The following EFHC2 variants were observed in gnomAD, a reference collection of about 807,000 sequenced individuals.
The protein encoded by EFHC2 is EF-hand domain containing 2.
Under a neutral mutation model 52.7 loss-of-function variants are expected in EFHC2, and 18 were observed. The observed-to-expected ratio is 0.34, with a 90% CI of 0.24 to 0.51. The LOEUF is 0.51. EFHC2 is among the 20% of genes least tolerant of loss of function. EFHC2 has a pLI of 0.97. For missense variants in EFHC2, 513 were observed against 562.5 expected (o/e 0.91, Z 0.89); for synonymous variants, 203 against 204.1 (o/e 0.99, Z 0.04).
At chrX:44,313,109 AAAAG>A (rs1556024250) in intron 1 of EFHC2, among the ~76,000 whole-genome samples, 28 of 105,046 alleles carry the variant, frequency 2.7e-4, no homozygotes, top group African/African-American at 6.7e-4. Context: ...AAAAAAAAAA[AAAAG>A]AAAGAAAGAA....
At chrX:44,162,772 C>A (rs752243597) in intron 14 of EFHC2, among the ~76,000 whole-genome samples, 1 of 110,461 alleles carries the variant, frequency 9.1e-6, no homozygotes, top group Non-Finnish European at 1.9e-5. Context: ...CTGTTCCCCC[C>A]CAGTCTGTTT....
intron 2 of EFHC2, among the ~76,000 whole-genome samples, chrX:44,276,010 C>T (rs1321355271): frequency 9.0e-6 from 1 of 110,862 alleles, no homozygotes; most frequent in Non-Finnish European, 1.9e-5. Flanking sequence ...TTGGTGGGGG[C>T]ATGTGATCTT....
intron 1 of EFHC2, among the ~76,000 whole-genome samples, chrX:44,322,868 C>A (rs777219446): frequency 5.4e-4 from 60 of 110,924 alleles, no homozygotes; most frequent in African/African-American, 1.8e-3. Flanking sequence ...CAAAAATTAG[C>A]CAGGTGTGGT....
rs774778714 is a variant in EFHC2, at chrX:44,310,188, G to A, written c.231+2380C>T. ...CTCGGTGGTCCAGAAGGAAGCCTCC[G>A]CCTTCTCATACATCTGCCAGATATC... On this transcript the variant is annotated intron_variant, in intron 2 of 14. Transcript: ENST00000420999. 5.5e-5 allele frequency: 39 copies of A among 715,074 alleles called. No homozygotes were observed. In the South Asian group the frequency reaches 7.0e-4, roughly 13 times the overall value. The allele number at this position is 715,074 out of a possible 1,213,427, so 58.9% of individuals were successfully genotyped here.
At chrX:44,284,091 G>C (rs1947521873) in intron 2 of EFHC2, 1 of 111,815 alleles carries the variant, frequency 8.9e-6, no homozygotes, top group Admixed American at 9.4e-5. Context: ...AAGGCCTAAA[G>C]GCTACTTTGT....
chrX:44,168,149 T>C (rs1424187797), intron 13 of EFHC2, among the ~76,000 whole-genome samples: 1 of 111,298 alleles, frequency 9.0e-6, no homozygotes, highest in African/African-American at 3.3e-5. Flanking sequence ...GCCCACAAAA[T>C]TCCTGGGAGA....
chrX:44,296,242 A>G (rs998210339), intron 2 of EFHC2, among the ~76,000 whole-genome samples: 1 of 111,741 alleles, frequency 8.9e-6, no homozygotes, highest in Non-Finnish European at 1.9e-5. Flanking sequence ...GGGAACACAC[A>G]ATAATATTAT....
chrX:44,272,898 C>G (rs2037627447), intron 2 of EFHC2, 62 bp from the exon 3 acceptor site: 2 of 967,737 alleles, frequency 2.1e-6, no homozygotes, highest in Non-Finnish European at 2.8e-6. Flanking sequence ...TTAAAATTAA[C>G]AAAGCAGCTG....
intron 14 of EFHC2, among the ~76,000 whole-genome samples, chrX:44,160,885 G>A (rs777400050): frequency 9.1e-6 from 1 of 110,303 alleles, no homozygotes; most frequent in Admixed American, 9.7e-5. Flanking sequence ...TCACACCACT[G>A]CACACCAGCT....
chrX:44,271,122 T>C (rs964752340), intron 3 of EFHC2, among the ~76,000 whole-genome samples: 5 of 111,846 alleles, frequency 4.5e-5, no homozygotes, highest in African/African-American at 1.3e-4. Context: ...ATGTGATCCA[T>C]GAGCCTTCTG....
At chrX:44,212,847 G>T (rs1321073306) in intron 11 of EFHC2, among the ~76,000 whole-genome samples, 1 of 110,261 alleles carries the variant, frequency 9.1e-6, no homozygotes, top group Non-Finnish European at 1.9e-5. Context: ...GAGTAGCTGG[G>T]ATTACAGGCA....
Position 44,250,392 on chromosome X carries a change from T to C in EFHC2, c.660A>G (p.Lys220=). ...LRPYESLDTL[K]QFLQYHGKIL... is the part of the protein sequence containing the mutation. ...TCTTGCCATGATACTGGAGGAACTG[T>C]TTCAGGGTGTCGAGGGATTCGTAGG... The change falls in exon 5 of 15, where the codon AAA becomes AAG. Residue 220 remains lysine (K), a synonymous_variant. Coordinates refer to ENST00000420999, the MANE Select transcript of EFHC2 (RefSeq NM_025184.4). 1.7e-6 allele frequency: 2 copies of C among 1,210,480 alleles called. No homozygotes were observed. The highest frequency in any genetic ancestry group is 3.0e-5 in the East Asian group (1 of 33,818).
chrX:44,240,229 A>G (rs892178808), intron 8 of EFHC2, among the ~76,000 whole-genome samples: 2 of 112,279 alleles, frequency 1.8e-5, no homozygotes, highest in African/African-American at 6.5e-5. Flanking sequence ...TTACTATGGA[A>G]ACATGGTCCC....
intron 2 of EFHC2, chrX:44,309,577 T>G (rs2037930348): frequency 1.7e-6 from 2 of 1,165,714 alleles, no homozygotes; most frequent in South Asian, 1.8e-5. Flanking sequence ...GAGGAATTCT[T>G]GTTCTATCTG....
At chrX:44,227,354 AAGGTGC>A in intron 11 of EFHC2, among the ~76,000 whole-genome samples, 1 of 111,529 alleles carries the variant, frequency 9.0e-6, no homozygotes, top group Non-Finnish European at 1.9e-5. Flanking sequence ...GGCTGAAGAC[AAGGTGC>A]AGGGACCATT....
intron 4 of EFHC2, among the ~76,000 whole-genome samples, chrX:44,250,863 AT>A (rs1203435619): frequency 9.2e-6 from 1 of 108,163 alleles, no homozygotes; most frequent in Admixed American, 9.9e-5. Flanking sequence ...CAAAAAAGAT[AT>A]ATTTTTCTAC....
At chrX:44,173,155 G>A (rs1391542524) in intron 13 of EFHC2, among the ~76,000 whole-genome samples, 3 of 112,266 alleles carry the variant, frequency 2.7e-5, no homozygotes, top group Non-Finnish European at 1.9e-5. Context: ...CAACCCTTTA[G>A]CCATATTGTT....
At chrX:44,246,560 G>A (rs1426463311) in intron 7 of EFHC2, among the ~76,000 whole-genome samples, 1 of 111,574 alleles carries the variant, frequency 9.0e-6, no homozygotes, top group East Asian at 2.8e-4. Flanking sequence ...AACAAAAGAA[G>A]TGAACAGAAA....
In EFHC2 at chrX:44,321,636, C is replaced by A. The variant is rs760371643; in HGVS notation, c.43-8880G>T. On this transcript the variant is annotated intron_variant, in intron 1 of 14. Transcript: ENST00000420999. Reference sequence around the variant, plus strand: ...GAGAGTTTAGTATCATGGAAACTACCTAAAGAAAGCATTTGAAGGAACACG... The same window carrying A: ...GAGAGTTTAGTATCATGGAAACTACATAAAGAAAGCATTTGAAGGAACACG... 2.7e-5 allele frequency among the ~76,000 whole-genome samples: 3 copies of A among 111,391 alleles called. No homozygotes were observed. In the South Asian group the frequency reaches 1.1e-3, roughly 42 times the overall value.
Sources: allele counts gnomAD v4.1 joint callset (sites outside exome capture counted in the v4.1 genomes callset), GRCh38; gene constraint gnomAD v4.1.1; transcripts MANE v1.5; gene names NCBI Gene and HGNC (gene_info 2026-07-23, HGNC 2026-07-21).